CHCHD3: variants seen among roughly 807,000 people sequenced by gnomAD.
CHCHD3 encodes the protein MICOS complex subunit MIC19.
Under a neutral mutation model 38.2 loss-of-function variants are expected in CHCHD3, and 20 were observed. The observed-to-expected ratio is 0.52, with a 90% CI of 0.37 to 0.76. The LOEUF is 0.76. Among genes scored for constraint, CHCHD3 ranks in the 30% least tolerant of loss-of-function variants. The probability of loss-of-function intolerance (pLI) is 0.00; values close to 1 mark genes in which losing one functional copy is unlikely to be tolerated. For synonymous variants in CHCHD3, 82 were observed against 100.0 expected, an observed-to-expected ratio of 0.82 and a Z score of 1.07; for missense variants, 245 against 279.2, an observed-to-expected ratio of 0.88 and a Z score of 0.87.
intron 4 of CHCHD3, among the ~76,000 whole-genome samples, chr7:132,909,479 A>C (rs1044208241): frequency 1.3e-5 from 2 of 152,156 alleles, no homozygotes; most frequent in Non-Finnish European, 2.9e-5. Context: ...TGACAGAGCG[A>C]GCCTCCATCT....
chr7:132,948,171 G>A (rs1810942860), intron 4 of CHCHD3, among the ~76,000 whole-genome samples: 2 of 151,876 alleles, frequency 1.3e-5, no homozygotes, highest in East Asian at 3.9e-4. Context: ...AAGAAAAATG[G>A]GCTCACTACT....
At chr7:133,028,823 T>C (rs1813420332) in intron 2 of CHCHD3, among the ~76,000 whole-genome samples, 1 of 150,370 alleles carries the variant, frequency 6.7e-6, no homozygotes, top group Admixed American at 6.6e-5. Flanking sequence ...AGGCGGAGGT[T>C]GCAGTGAGCC....
chr7:132,896,328 C>CAA (rs1367710853), intron 4 of CHCHD3, among the ~76,000 whole-genome samples: 19 of 152,310 alleles, frequency 1.2e-4, no homozygotes, highest in African/African-American at 4.6e-4. Context: ...CAAACTGGTT[C>CAA]TGGTTGTTTA....
chr7:132,860,264 C>G (rs1808450724), intron 5 of CHCHD3, among the ~76,000 whole-genome samples: 1 of 151,096 alleles, frequency 6.6e-6, no homozygotes, highest in South Asian at 2.1e-4. Flanking sequence ...GAGACTCGAT[C>G]TCAAAAATAA....
At chr7:132,921,151 T>C (rs1296373532) in intron 4 of CHCHD3, among the ~76,000 whole-genome samples, 3 of 152,218 alleles carry the variant, frequency 2.0e-5, no homozygotes, top group African/African-American at 7.2e-5. Context: ...ATATGTAAAC[T>C]GAACAATATT....
In CHCHD3 at chr7:133,073,307, A is replaced by G. The variant is rs139300320; in HGVS notation, c.82-3078T>C. ...AATGCTGAAGGGCCCTTCTCATTCTATGTGCCCTTGTACTGGCACTCTCAT... is the reference window on the plus strand; with the variant it reads ...AATGCTGAAGGGCCCTTCTCATTCTGTGTGCCCTTGTACTGGCACTCTCAT... On this transcript the variant is annotated intron_variant, in intron 1 of 7. Transcript: ENST00000262570. Among the ~76,000 whole-genome samples, 168 of 151,974 alleles carry G rather than the reference A, an allele frequency of 1.1e-3. 1 individual carries two copies. Among genetic ancestry groups the G allele is most frequent in the African/African-American group, 3.9e-3 (163 of 41,426 alleles).
rs569831951 is a variant in CHCHD3, at chr7:132,882,519, A to C, written c.453+3143T>G. Among the ~76,000 whole-genome samples the C allele has an allele frequency of 4.0e-5, 6 of 149,814 alleles. No homozygotes were observed. In the South Asian group the frequency reaches 1.3e-3, roughly 31 times the overall value. Reference sequence around the variant, plus strand: ...TATATATTCACAATAATTTGATCTTATCATATCGTGTCTATCTAATCTTCT... The same window carrying C: ...TATATATTCACAATAATTTGATCTTCTCATATCGTGTCTATCTAATCTTCT... On this transcript the variant is annotated intron_variant, in intron 5 of 7. Coordinates refer to ENST00000262570, the MANE Select transcript of CHCHD3 (RefSeq NM_017812.4).
chr7:132,873,210 G>A (rs1432497083), intron 5 of CHCHD3, among the ~76,000 whole-genome samples: 1 of 152,114 alleles, frequency 6.6e-6, no homozygotes, highest in East Asian at 1.9e-4. Context: ...AGAGGCCATT[G>A]GTGAGGAGGA....
At chr7:132,873,756 TATC>T (rs10615808) in intron 5 of CHCHD3, among the ~76,000 whole-genome samples, 32,878 of 151,692 alleles carry the variant, frequency 0.22, 3,783 homozygotes, top group South Asian at 0.26. Context: ...ATAAAATTGA[TATC>T]ATCATCATCA....
At chr7:132,803,129 C>T (rs1806831324) in intron 6 of CHCHD3, among the ~76,000 whole-genome samples, 1 of 152,192 alleles carries the variant, frequency 6.6e-6, no homozygotes, top group Non-Finnish European at 1.5e-5. Flanking sequence ...ATAGTGGGAA[C>T]AGAATAAAAT....
intron 6 of CHCHD3, among the ~76,000 whole-genome samples, chr7:132,807,977 G>A (rs1295446598): frequency 6.6e-6 from 1 of 151,770 alleles, no homozygotes; most frequent in African/African-American, 2.4e-5. Context: ...ATTTCCACAC[G>A]TTTTGTGGCA....
At chr7:132,860,719 TG>T (rs1808469138) in intron 5 of CHCHD3, among the ~76,000 whole-genome samples, 1 of 152,104 alleles carries the variant, frequency 6.6e-6, no homozygotes, top group Non-Finnish European at 1.5e-5. Context: ...CTCCACCTCC[TG>T]GGTTCAAGAG....
At chr7:132,824,196 A>C (rs1011570317) in intron 6 of CHCHD3, among the ~76,000 whole-genome samples, 1 of 151,946 alleles carries the variant, frequency 6.6e-6, no homozygotes, top group Non-Finnish European at 1.5e-5. Flanking sequence ...ATTATATTGT[A>C]TTATTTGATA....
At chr7:132,858,317 C>T (rs1325984585) in intron 5 of CHCHD3, among the ~76,000 whole-genome samples, 1 of 152,212 alleles carries the variant, frequency 6.6e-6, no homozygotes, top group Admixed American at 6.5e-5. Flanking sequence ...CCTGCTTCAG[C>T]CTCCCAAAGT....
At chr7:132,916,983 A>AG (rs539773845) in intron 4 of CHCHD3, among the ~76,000 whole-genome samples, 1 of 152,176 alleles carries the variant, frequency 6.6e-6, no homozygotes, top group Non-Finnish European at 1.5e-5. Flanking sequence ...AGGCATCCAC[A>AG]GGGGGGTCTT....
chr7:133,010,460 T>G (rs528121058), intron 3 of CHCHD3, among the ~76,000 whole-genome samples: 3 of 152,214 alleles, frequency 2.0e-5, no homozygotes, highest in Non-Finnish European at 4.4e-5. Context: ...CTTTTGACTT[T>G]TGGACAAATT....
intron 5 of CHCHD3, among the ~76,000 whole-genome samples, chr7:132,844,443 A>G (rs1253065605): frequency 6.6e-6 from 1 of 152,212 alleles, no homozygotes; most frequent in African/African-American, 2.4e-5. Flanking sequence ...TAAAATAAAA[A>G]CTATCTTCAT....
chr7:132,915,063 C>A (rs1810070104), intron 4 of CHCHD3, among the ~76,000 whole-genome samples: 1 of 151,060 alleles, frequency 6.6e-6, no homozygotes. Context: ...TAGGGAGGCT[C>A]AGGCAGGAGA....
chr7:132,907,302 T>C (rs982071365), intron 4 of CHCHD3, among the ~76,000 whole-genome samples: 13 of 152,204 alleles, frequency 8.5e-5, no homozygotes, highest in Non-Finnish European at 1.6e-4. Flanking sequence ...TGTCTACAGA[T>C]GCCACGTTTT....
Sources: allele counts gnomAD v4.1 joint callset (sites outside exome capture counted in the v4.1 genomes callset), GRCh38; gene constraint gnomAD v4.1.1; transcripts MANE v1.5; gene names NCBI Gene and HGNC (gene_info 2026-07-23, HGNC 2026-07-21).